Variants in CCDC3 observed in about 807,000 individuals in gnomAD.
CCDC3 encodes the protein coiled-coil domain-containing protein 3.
A neutral mutation model predicts 21.4 loss-of-function variants in CCDC3; 24 were observed. That is an observed-to-expected ratio of 1.12 (90% CI 0.81 to 1.58). The LOEUF (loss-of-function observed/expected upper bound fraction) is 1.58. Ranked by LOEUF, CCDC3 falls within the 40% of genes most tolerant of loss-of-function variation. CCDC3 has a pLI of 0.00. For missense variants in CCDC3, 425 were observed against 360.9 expected, an observed-to-expected ratio of 1.18 and a Z score of -1.44; for synonymous variants, 186 against 166.0, an observed-to-expected ratio of 1.12 and a Z score of -0.93.
At chr10:13,021,721 A>C (rs1236050066) in intron 5 of CCDC3, among the ~76,000 whole-genome samples, 1 of 152,124 alleles carries the variant, frequency 6.6e-6, no homozygotes, top group Non-Finnish European at 1.5e-5. Flanking sequence ...GGGATTCCTC[A>C]GGCCTCTTTT....
At chr10:13,016,084 C>T (rs1032115506) in intron 5 of CCDC3, among the ~76,000 whole-genome samples, 4 of 151,678 alleles carry the variant, frequency 2.6e-5, no homozygotes, top group African/African-American at 9.7e-5. Flanking sequence ...CTACTATGTA[C>T]CCACAAAAAG....
intron 5 of CCDC3, among the ~76,000 whole-genome samples, chr10:13,022,388 G>A (rs79309848): frequency 0.019 from 2,894 of 152,136 alleles, 72 homozygotes; most frequent in African/African-American, 0.065. Context: ...TTTGATTCAG[G>A]GTGAAAAGCA....
At chr10:12,932,534 T>C (rs1446083255) in intron 2 of CCDC3, among the ~76,000 whole-genome samples, 2 of 152,250 alleles carry the variant, frequency 1.3e-5, no homozygotes, top group Admixed American at 1.3e-4. Flanking sequence ...CATGTAATCT[T>C]GCTACAATTG....
At chr10:12,924,107 T>C (rs1834496958) in intron 2 of CCDC3, among the ~76,000 whole-genome samples, 1 of 152,218 alleles carries the variant, frequency 6.6e-6, no homozygotes, top group Non-Finnish European at 1.5e-5. Flanking sequence ...CCTACTATCA[T>C]TAAAATAGTT....
chr10:13,091,654 C>T (rs1832571740), intron 3 of CCDC3, among the ~76,000 whole-genome samples: 1 of 152,176 alleles, frequency 6.6e-6, no homozygotes. Flanking sequence ...CCCTTCATCT[C>T]CTCAGGTACA....
intron 4 of CCDC3, among the ~76,000 whole-genome samples, chr10:13,050,456 CTTT>C (rs35126304): frequency 7.2e-3 from 709 of 98,568 alleles, no homozygotes; most frequent in Non-Finnish European, 8.9e-3. Flanking sequence ...ATTATTTATT[CTTT>C]TTTTTTTTTT....
chr10:12,944,750 C>T (rs967361515), intron 2 of CCDC3, among the ~76,000 whole-genome samples: 1 of 152,142 alleles, frequency 6.6e-6, no homozygotes, highest in Non-Finnish European at 1.5e-5. Flanking sequence ...GTAAAATAAG[C>T]TCATGTTACC....
intron 2 of CCDC3, among the ~76,000 whole-genome samples, chr10:12,957,214 T>C (rs771634659): frequency 2.0e-4 from 31 of 152,178 alleles, no homozygotes; most frequent in Admixed American, 1.7e-3. Flanking sequence ...ACTTTGTCAA[T>C]TTCCACTTCC....
At chr10:12,928,087 C>A (rs1475313076) in intron 2 of CCDC3, among the ~76,000 whole-genome samples, 2 of 152,184 alleles carry the variant, frequency 1.3e-5, no homozygotes, top group African/African-American at 2.4e-5. Flanking sequence ...TGTTACAACA[C>A]AGCCAAGGAA....
At chr10:12,956,185 A>G (rs751092717) in intron 2 of CCDC3, among the ~76,000 whole-genome samples, 26 of 152,282 alleles carry the variant, frequency 1.7e-4, no homozygotes, top group Non-Finnish European at 2.4e-4. Context: ...CTGGGTTGCA[A>G]TCTTGCCAAA....
intron 3 of CCDC3, among the ~76,000 whole-genome samples, chr10:13,081,976 A>G (rs1310700485): frequency 6.6e-6 from 1 of 152,138 alleles, no homozygotes; most frequent in Non-Finnish European, 1.5e-5. Context: ...TCTCTCTGCT[A>G]TTTCCTAAAA....
intron 2 of CCDC3, among the ~76,000 whole-genome samples, chr10:12,952,113 G>A (rs1395100374): frequency 5.3e-5 from 8 of 152,112 alleles, no homozygotes; most frequent in African/African-American, 9.7e-5. Flanking sequence ...CAAACTGATC[G>A]TGCCCAAATC....
intron 2 of CCDC3, among the ~76,000 whole-genome samples, chr10:12,933,534 T>G (rs973138302): frequency 6.6e-6 from 1 of 151,258 alleles, no homozygotes; most frequent in African/African-American, 2.4e-5. Flanking sequence ...TTTGGCTCAC[T>G]GCACCCTCTG....
intron 3 of CCDC3, among the ~76,000 whole-genome samples, chr10:13,081,103 C>CA (rs372464674): frequency 7.6e-4 from 111 of 147,018 alleles, no homozygotes; most frequent in Middle Eastern, 3.6e-3. Context: ...TCAGAAACAA[C>CA]TAAGTAAACA....
intron 5 of CCDC3, among the ~76,000 whole-genome samples, chr10:13,040,687 TCACACACACACACACA>T (rs10653974): frequency 2.8e-5 from 4 of 142,752 alleles, no homozygotes; most frequent in Admixed American, 7.0e-5. Flanking sequence ...CAAAACTCTG[TCACACACACACACACA>T]CACACACACA....
intron 2 of CCDC3, among the ~76,000 whole-genome samples, chr10:12,970,441 A>C (rs2131264095): frequency 6.6e-6 from 1 of 152,268 alleles, no homozygotes; most frequent in East Asian, 1.9e-4. Context: ...AGTAGATCTT[A>C]AGGTTCTCAC....
intron 2 of CCDC3, among the ~76,000 whole-genome samples, chr10:12,971,728 C>G (rs1469830204): frequency 6.6e-6 from 1 of 152,150 alleles, no homozygotes; most frequent in Non-Finnish European, 1.5e-5. Flanking sequence ...TACTGTTGCC[C>G]AGGCTGGAGT....
intron 2 of CCDC3, among the ~76,000 whole-genome samples, chr10:12,948,728 GTTTTTT>G (rs72323989): frequency 1.1e-5 from 1 of 91,070 alleles, no homozygotes; most frequent in Non-Finnish European, 2.0e-5. Flanking sequence ...TTTTAAGGCA[GTTTTTT>G]TTTTTTTTTT....
At chr10:13,024,488 A>T (rs918580739) in intron 5 of CCDC3, among the ~76,000 whole-genome samples, 1 of 152,106 alleles carries the variant, frequency 6.6e-6, no homozygotes, top group Non-Finnish European at 1.5e-5. Context: ...GTTAATAGAG[A>T]TCTTGACCCT....
Sources: allele counts gnomAD v4.1 joint callset (sites outside exome capture counted in the v4.1 genomes callset), GRCh38; gene constraint gnomAD v4.1.1; transcripts MANE v1.5; gene names NCBI Gene and HGNC (gene_info 2026-07-23, HGNC 2026-07-21).